The following KHDRBS2 variants were observed in gnomAD, a reference collection of about 807,000 sequenced individuals.
KHDRBS2 encodes the protein KH RNA binding domain containing, signal transduction associated 2.
A neutral mutation model predicts 44.3 loss-of-function variants in KHDRBS2; 26 were observed. That is an observed-to-expected ratio of 0.59 (90% CI 0.43 to 0.81). The LOEUF (loss-of-function observed/expected upper bound fraction) is 0.81, where lower values mean the gene tolerates loss of function less well. Among genes scored for constraint, KHDRBS2 ranks in the 40% least tolerant of loss-of-function variants. The pLI is 0.00. For missense variants in KHDRBS2, 476 were observed against 433.1 expected (o/e 1.10, Z -0.88); for synonymous variants, 194 against 151.1 (o/e 1.28, Z -2.08).
At chr6:62,223,127 T>C (rs1415787798) in intron 1 of KHDRBS2, among the ~76,000 whole-genome samples, 1 of 152,234 alleles carries the variant, frequency 6.6e-6, no homozygotes, top group African/African-American at 2.4e-5. Flanking sequence ...GCCCCACCCA[T>C]GCAGCAAACT....
At chr6:61,616,540 T>A in the KHDRBS2 span, among the ~76,000 whole-genome samples, 28,973 of 151,138 alleles carry the variant, frequency 0.19, 3,290 homozygotes, top group South Asian at 0.33. Flanking sequence ...TAAATTTTTT[T>A]AAATAATATT....
At chr6:62,156,976 C>T (rs1169715601) in intron 2 of KHDRBS2, among the ~76,000 whole-genome samples, 5 of 150,992 alleles carry the variant, frequency 3.3e-5, no homozygotes, top group Admixed American at 2.0e-4. Context: ...TGAGCCACTG[C>T]GCCCGGCCAA....
intron 4 of KHDRBS2, among the ~76,000 whole-genome samples, chr6:61,962,195 T>C (rs907957395): frequency 2.0e-5 from 3 of 152,084 alleles, no homozygotes; most frequent in Non-Finnish European, 4.4e-5. Context: ...GGCAGTTCTA[T>C]TGTGTTGCTA....
At chr6:62,161,118 A>G (rs169662) in intron 2 of KHDRBS2, among the ~76,000 whole-genome samples, 28,033 of 151,956 alleles carry the variant, frequency 0.18, 3,053 homozygotes, top group African/African-American at 0.31. Flanking sequence ...TGGTTCATCC[A>G]TGTTGCAGCA....
intron 2 of KHDRBS2, among the ~76,000 whole-genome samples, chr6:62,137,596 G>A (rs1811849867): frequency 6.6e-6 from 1 of 152,084 alleles, no homozygotes; most frequent in Non-Finnish European, 1.5e-5. Flanking sequence ...TGGATATTGG[G>A]CAAACTGGAG....
At chr6:61,669,136 G>T in the KHDRBS2 span, among the ~76,000 whole-genome samples, 1 of 150,882 alleles carries the variant, frequency 6.6e-6, no homozygotes, top group African/African-American at 2.4e-5. Flanking sequence ...GATGATTAGG[G>T]TTACTGTACA....
Position 61,941,725 on chromosome 6 carries a change from C to T in KHDRBS2, c.483+36341G>A, listed in dbSNP as rs556485049. On this transcript the variant is annotated intron_variant, in intron 4 of 8. Transcript: ENST00000281156. The stretch of plus-strand genomic sequence containing the variant: ...GACACAGAATCAAAGCCAAAGTGTC[C>T]TACATAACCAACACCGTAGATACAT... 5.9e-5 allele frequency among the ~76,000 whole-genome samples: 9 copies of T among 152,096 alleles called. No individual in the cohort carries two copies. In the East Asian group the frequency reaches 1.7e-3, roughly 29 times the overall value.
At chr6:61,702,451 T>G (rs1768841133) in intron 7 of KHDRBS2, among the ~76,000 whole-genome samples, 2 of 151,972 alleles carry the variant, frequency 1.3e-5, no homozygotes, top group South Asian at 4.1e-4. Flanking sequence ...CACTGAATTG[T>G]GAGACATCCT....
chr6:62,014,072 T>C (rs1015355355), intron 3 of KHDRBS2, among the ~76,000 whole-genome samples: 3 of 152,174 alleles, frequency 2.0e-5, no homozygotes, highest in Non-Finnish European at 2.9e-5. Flanking sequence ...ATGACACTGA[T>C]TAATATTTCT....
chr6:62,239,436 G>T (rs929541898), intron 1 of KHDRBS2, among the ~76,000 whole-genome samples: 7 of 151,924 alleles, frequency 4.6e-5, no homozygotes, highest in African/African-American at 1.7e-4. Flanking sequence ...AACTGGGAGT[G>T]GTGACACACA....
chr6:61,669,175 T>C, the KHDRBS2 span, among the ~76,000 whole-genome samples: 1 of 151,192 alleles, frequency 6.6e-6, no homozygotes, highest in African/African-American at 2.4e-5. Context: ...CAATATCAAC[T>C]TTATACTTAG....
chr6:62,062,947 A>G (rs2127329761), intron 2 of KHDRBS2, among the ~76,000 whole-genome samples: 2 of 150,850 alleles, frequency 1.3e-5, no homozygotes, highest in Non-Finnish European at 3.0e-5. Context: ...TAAAGGGGAT[A>G]TCACCACCGA....
intron 6 of KHDRBS2, among the ~76,000 whole-genome samples, chr6:61,794,788 A>C (rs1785085930): frequency 6.6e-6 from 1 of 152,104 alleles, no homozygotes; most frequent in Non-Finnish European, 1.5e-5. Flanking sequence ...TATATCCCTC[A>C]ATAATGCTTA....
the KHDRBS2 span, among the ~76,000 whole-genome samples, chr6:61,567,500 G>A: frequency 2.6e-5 from 4 of 152,240 alleles, no homozygotes; most frequent in East Asian, 3.9e-4. Flanking sequence ...AATTAGCCAG[G>A]CATGGTGGTG....
At chr6:61,734,075 A>G (rs536159276) in intron 6 of KHDRBS2, among the ~76,000 whole-genome samples, 1 of 152,322 alleles carries the variant, frequency 6.6e-6, no homozygotes, top group East Asian at 1.9e-4. Context: ...AAAGACTAAT[A>G]TATTTATCAA....
chr6:62,133,825 C>T (rs1377715743), intron 2 of KHDRBS2, among the ~76,000 whole-genome samples: 1 of 152,280 alleles, frequency 6.6e-6, no homozygotes, highest in East Asian at 1.9e-4. Context: ...AGCAAAGAGA[C>T]TGGCAGCATT....
intron 6 of KHDRBS2, among the ~76,000 whole-genome samples, chr6:61,883,745 A>G (rs1156264923): frequency 6.6e-6 from 1 of 152,084 alleles, no homozygotes; most frequent in Non-Finnish European, 1.5e-5. Flanking sequence ...GTTTCACAAT[A>G]CATTTCATTA....
intron 1 of KHDRBS2, among the ~76,000 whole-genome samples, chr6:62,237,889 A>T (rs1460076460): frequency 6.6e-6 from 1 of 152,108 alleles, no homozygotes. Flanking sequence ...AGATAAAAAA[A>T]TTAGCTGGGC....
At chr6:62,244,463 A>C (rs972992737) in intron 1 of KHDRBS2, among the ~76,000 whole-genome samples, 15 of 152,292 alleles carry the variant, frequency 9.8e-5, no homozygotes, top group African/African-American at 3.4e-4. Context: ...GAGAAGAGTA[A>C]CAAGTGTCAA....
Sources: gnomAD v4.1 joint callset for allele counts (sites outside exome capture counted in the v4.1 genomes callset) on GRCh38, gnomAD v4.1.1 for gene constraint, MANE v1.5 for transcripts, NCBI Gene and HGNC (gene_info 2026-07-23, HGNC 2026-07-21) for gene names.